Variants in IQCB1 observed in about 807,000 individuals in gnomAD.
The protein encoded by IQCB1 is IQ calmodulin-binding motif-containing protein 1.
IQCB1 carries 56 observed loss-of-function variants against 84.4 expected under a neutral mutation model. That is an observed-to-expected ratio of 0.66 (90% CI 0.54 to 0.83). The LOEUF is 0.83. Ranked by LOEUF, IQCB1 falls within the 40% of genes least tolerant of loss-of-function variation. IQCB1 has a pLI of 0.00. For missense variants in IQCB1, 629 were observed against 682.1 expected (o/e 0.92, Z 0.87); for synonymous variants, 210 against 234.8 (o/e 0.89, Z 0.96).
chr3:121,820,960 A>C (rs563257879), intron 5 of IQCB1, among the ~76,000 whole-genome samples: 2 of 145,786 alleles, frequency 1.4e-5, no homozygotes, highest in South Asian at 4.4e-4. Context: ...AATCAAGTTC[A>C]AACTTTTTCT....
At chr3:121,792,890 G>A (rs1358821469) in intron 10 of IQCB1, among the ~76,000 whole-genome samples, 2 of 152,004 alleles carry the variant, frequency 1.3e-5, no homozygotes, top group African/African-American at 2.4e-5. Flanking sequence ...CTTCCAACTG[G>A]TTTCTTTGTA....
At chr3:121,772,035 G>A (rs529920814) in intron 14 of IQCB1, among the ~76,000 whole-genome samples, 7 of 152,170 alleles carry the variant, frequency 4.6e-5, no homozygotes, top group African/African-American at 7.2e-5. Context: ...TTAGCTGGGC[G>A]TGGTGGTGCG....
At chr3:121,815,903 AACT>A (rs1294729715) in intron 5 of IQCB1, among the ~76,000 whole-genome samples, 3 of 151,114 alleles carry the variant, frequency 2.0e-5, no homozygotes, top group African/African-American at 7.3e-5. Flanking sequence ...ATTTAGAAAA[AACT>A]ACTTTACATT....
intron 5 of IQCB1, among the ~76,000 whole-genome samples, chr3:121,812,857 C>G (rs967809095): frequency 6.6e-6 from 1 of 152,142 alleles, no homozygotes; most frequent in African/African-American, 2.4e-5. Flanking sequence ...GGATATTATC[C>G]AGGAGAACAT....
chr3:121,829,808 T>C (rs931569040), intron 2 of IQCB1, among the ~76,000 whole-genome samples: 2 of 152,248 alleles, frequency 1.3e-5, no homozygotes, highest in Non-Finnish European at 2.9e-5. Flanking sequence ...AAGTACACTA[T>C]ATTCTGAGTC....
chr3:121,805,461 T>C (rs1949569380), intron 7 of IQCB1, among the ~76,000 whole-genome samples: 1 of 152,216 alleles, frequency 6.6e-6, no homozygotes, highest in Admixed American at 6.5e-5. Context: ...GTGAACTTCC[T>C]ACCTTTGTAT....
chr3:121,796,045 T>C (rs910202093), intron 9 of IQCB1, among the ~76,000 whole-genome samples: 1 of 152,120 alleles, frequency 6.6e-6, no homozygotes, highest in Non-Finnish European at 1.5e-5. Context: ...GACTGAATTC[T>C]GTCCCAGTCT....
intron 7 of IQCB1, among the ~76,000 whole-genome samples, chr3:121,801,391 CT>C (rs1191632799): frequency 1.3e-5 from 2 of 152,006 alleles, no homozygotes; most frequent in African/African-American, 4.8e-5. Flanking sequence ...ACTACCTATA[CT>C]CAACATAACC....
At chr3:121,795,929 A>G (rs896528723) in intron 9 of IQCB1, among the ~76,000 whole-genome samples, 35 of 152,074 alleles carry the variant, frequency 2.3e-4, no homozygotes, top group African/African-American at 8.4e-4. Context: ...TCTGTTGACC[A>G]TTGTGGATGG....
Position 121,795,581 on chromosome 3 carries a change from A to G in IQCB1, c.877-15T>C. The G allele has an allele frequency of 1.3e-6, 2 of 1,482,200 alleles. No homozygotes were observed. Among genetic ancestry groups the G allele is most frequent in the South Asian group, 2.3e-5 (2 of 88,324 alleles). The allele number at this position is 1,482,200 out of a possible 1,614,324, so 91.8% of individuals were successfully genotyped here. ...TGATGTAGTTTCTGAAATGCCGAAAATAATTTAGAGATATCTCTAGGAAGG... is the reference window on the plus strand; with the variant it reads ...TGATGTAGTTTCTGAAATGCCGAAAGTAATTTAGAGATATCTCTAGGAAGG... On this transcript the variant is annotated splice_polypyrimidine_tract_variant and intron_variant, in intron 9 of 14. Transcript: ENST00000310864.
chr3:121,780,375 G>C (rs1264848695), intron 13 of IQCB1, among the ~76,000 whole-genome samples: 1 of 152,148 alleles, frequency 6.6e-6, no homozygotes, highest in African/African-American at 2.4e-5. Flanking sequence ...TTTTCTGGTT[G>C]TTTCAGGCAG....
chr3:121,776,447 T>C (rs1387728261), intron 13 of IQCB1, among the ~76,000 whole-genome samples: 11 of 152,250 alleles, frequency 7.2e-5, no homozygotes, highest in African/African-American at 2.7e-4. Flanking sequence ...TCCAAAGTAG[T>C]TGTACTCTTT....
At position 121,770,569 on chromosome 3, in the gene IQCB1, G is replaced by T. The variant is rs1445502603; in HGVS notation, c.1573C>A (p.Pro525Thr). Residue 525 changes from proline (P) to threonine (T), a missense_variant, in exon 15 of 15, where the codon CCA (proline) becomes ACA (threonine). Pro to Thr is a conservative substitution (Grantham distance 38). Coordinates refer to ENST00000310864, the MANE Select transcript of IQCB1 (RefSeq NM_001023570.4). The stretch of plus-strand genomic sequence containing the variant: ...TTCCCTTCTGCCTCCTTCAGACTTG[G>T]TGCCTCTGTAGTGGACAGAAAATAA... ...STNVEQLMKA[P>T]SLKEAEGKEP... The T allele has an allele frequency of 1.1e-5, 17 of 1,611,764 alleles. No individual in the cohort carries two copies. Among genetic ancestry groups the T allele is most frequent in the Non-Finnish European group, 1.4e-5 (17 of 1,179,094 alleles).
intron 11 of IQCB1, among the ~76,000 whole-genome samples, chr3:121,789,537 T>C (rs1261669168): frequency 1.3e-5 from 2 of 152,108 alleles, no homozygotes; most frequent in Admixed American, 6.5e-5. Context: ...CTATATTTAA[T>C]GGAGATGAAG....
chr3:121,800,948 A>C (rs9856046), intron 7 of IQCB1, among the ~76,000 whole-genome samples: 1 of 151,810 alleles, frequency 6.6e-6, no homozygotes, highest in Non-Finnish European at 1.5e-5. Context: ...CATATATACC[A>C]TAAGTGATTC....
At chr3:121,808,860 CTGT>C in intron 6 of IQCB1, 53 bp downstream of exon 6, 1 of 1,042,972 alleles carries the variant, frequency 9.6e-7, no homozygotes, top group Non-Finnish European at 1.5e-6. Flanking sequence ...AACGATCAAA[CTGT>C]TAGCAGTTGA....
chr3:121,797,775 G>C (rs1385850742), intron 8 of IQCB1, among the ~76,000 whole-genome samples: 1 of 151,934 alleles, frequency 6.6e-6, no homozygotes, highest in Non-Finnish European at 1.5e-5. Flanking sequence ...ACAACACTAG[G>C]ATAGTACATT....
intron 7 of IQCB1, among the ~76,000 whole-genome samples, chr3:121,805,952 TCTCCCTATA>T (rs1183879556): frequency 6.6e-6 from 1 of 152,098 alleles, no homozygotes; most frequent in Non-Finnish European, 1.5e-5. Context: ...CTGGGATGCC[TCTCCCTATA>T]CTTCAACCTG....
chr3:121,826,165 G>A lies in IQCB1; in HGVS notation c.279C>T (p.Gly93=). 1 of 1,613,700 alleles carries A rather than the reference G, an allele frequency of 6.2e-7. No individual in the cohort carries two copies. Among genetic ancestry groups the A allele is most frequent in the Non-Finnish European group, 8.5e-7 (1 of 1,179,660 alleles). ...CCTCTGCATCTTCTCCTGGCTCCAA[G>A]CCCACACAGCAATGGCTGAAATAAG... ...LTQILSHCCV[G]LEPGEDAEEF... Residue 93 remains glycine (G), a synonymous_variant, in exon 5 of 15, where the codon GGC becomes GGT. Transcript: ENST00000310864.
Sources: allele counts gnomAD v4.1 joint callset (sites outside exome capture counted in the v4.1 genomes callset), GRCh38; gene constraint gnomAD v4.1.1; transcripts MANE v1.5; gene names NCBI Gene and HGNC (gene_info 2026-07-23, HGNC 2026-07-21).